Variants in HUWE1 observed in about 807,000 individuals in gnomAD.
HUWE1 encodes the protein E3 ubiquitin-protein ligase HUWE1.
HUWE1 carries 18 observed loss-of-function variants against 299.4 expected under a neutral mutation model. The ratio of observed to expected loss-of-function variants is 0.06; its 90% CI spans 0.04 to 0.09. The LOEUF (loss-of-function observed/expected upper bound fraction) is 0.09. HUWE1 is among the 10% of genes least tolerant of loss of function. HUWE1 has a pLI of 1.00. For synonymous variants in HUWE1, 1,317 were observed against 1,286.1 expected (o/e 1.02, Z -0.51); for missense variants, 1,832 against 3,462.3 (o/e 0.53, Z 11.82).
intron 7 of HUWE1, among the ~76,000 whole-genome samples, chrX:53,640,443 A>G (rs2067512099): frequency 8.9e-6 from 1 of 112,371 alleles, no homozygotes; most frequent in Non-Finnish European, 1.9e-5. Flanking sequence ...AGAAACATGA[A>G]ATTTTTAAAT....
intron 3 of HUWE1, among the ~76,000 whole-genome samples, chrX:53,659,073 G>T (rs2068879600): frequency 8.9e-6 from 1 of 112,901 alleles, no homozygotes; most frequent in African/African-American, 3.2e-5. Context: ...AGGATGTGGA[G>T]CAAGTGGAAC....
intron 27 of HUWE1, 113 bp downstream of exon 27, chrX:53,603,255 G>T: frequency 1.4e-6 from 1 of 718,764 alleles, no homozygotes; most frequent in Non-Finnish European, 2.1e-6. Context: ...AAGAGGGAAG[G>T]ACAAGGAGGC....
chrX:53,579,541 T>C (rs972107261), intron 43 of HUWE1, among the ~76,000 whole-genome samples: 2 of 109,597 alleles, frequency 1.8e-5, no homozygotes, highest in Admixed American at 1.9e-4. Flanking sequence ...AGAAATCGGA[T>C]GGTTGCCGGG....
intron 4 of HUWE1, among the ~76,000 whole-genome samples, chrX:53,653,497 G>T (rs1385289825): frequency 9.0e-6 from 1 of 111,310 alleles, no homozygotes; most frequent in Non-Finnish European, 1.9e-5. Flanking sequence ...CTCAACCTTA[G>T]AAAGCAGTTC....
intron 37 of HUWE1, among the ~76,000 whole-genome samples, 179 bp from the exon 38 acceptor site, chrX:53,587,088 G>A (rs917337071): frequency 8.9e-6 from 1 of 112,043 alleles, no homozygotes; most frequent in Non-Finnish European, 1.9e-5. Flanking sequence ...AAATTTTCTA[G>A]GCTTTGGTTT....
At position 53,542,845 on chromosome X, in the gene HUWE1, T is replaced by TTGTGTGTGTG. The variant is rs57187405; in HGVS notation, c.11380-316_11380-307dup. 3.0e-3 allele frequency: 487 copies of TTGTGTGTGTG among 164,016 alleles called. 2 individuals are homozygous for TTGTGTGTGTG. Among genetic ancestry groups the TTGTGTGTGTG allele is most frequent in the Non-Finnish European group, 3.9e-3 (348 of 89,017 alleles). 13.5% of individuals were successfully genotyped at this position (164,016 alleles called of 1,213,427 possible). A position where few individuals can be genotyped will look rare whatever the true frequency, so the allele number is the denominator to read the frequency against. Reference sequence around the variant, plus strand: ...TATATAGACTTCAAGTCTTCTTCTGTTGTGTGTGTGTGTGTGTGTGTGTGT... The same window carrying TTGTGTGTGTG: ...TATATAGACTTCAAGTCTTCTTCTGTTGTGTGTGTGTGTGTGTGTGTGTGTGTGTGTGTGT... On this transcript the variant is annotated intron_variant, in intron 73 of 83. Coordinates refer to ENST00000262854, the MANE Select transcript of HUWE1 (RefSeq NM_031407.7).
intron 3 of HUWE1, among the ~76,000 whole-genome samples, chrX:53,659,771 G>A (rs781957498): frequency 1.3e-4 from 15 of 111,742 alleles, no homozygotes; most frequent in Non-Finnish European, 2.4e-4. Context: ...AACAAGGGAG[G>A]CTATGCCTGT....
rs1556949127 is a variant in HUWE1, at chrX:53,569,786, T to C, written c.6354A>G (p.Pro2118=). ...CCTTGTCTTCTGCATTCTGGGTATGTGGGAGCAGGTGGTCCAGAACAAAAG... is the reference window on the plus strand; with the variant it reads ...CCTTGTCTTCTGCATTCTGGGTATGCGGGAGCAGGTGGTCCAGAACAAAAG... ...VLAFVLDHLL[P]HTQNAEDKDT... is the part of the protein sequence containing the mutation. Residue 2118 remains proline (P), a synonymous_variant, in exon 48 of 84, where the codon CCA becomes CCG. Coordinates refer to ENST00000262854, the MANE Select transcript of HUWE1 (RefSeq NM_031407.7). The C allele has an allele frequency of 3.3e-6, 4 of 1,211,971 alleles. No individual in the cohort carries two copies. In the South Asian group the frequency reaches 7.0e-5, roughly 21 times the overall value.
chrX:53,617,385 G>A lies in HUWE1; in HGVS notation c.1734C>T (p.Asp578=). The A allele has an allele frequency of 8.3e-7, 1 of 1,200,233 alleles. No individual in the cohort carries two copies. Among genetic ancestry groups the A allele is most frequent in the East Asian group, 3.0e-5 (1 of 33,705 alleles). Residue 578 remains aspartate (D), a synonymous_variant, in exon 20 of 84, where the codon GAC becomes GAT. Coordinates refer to ENST00000262854, the MANE Select transcript of HUWE1 (RefSeq NM_031407.7). ...QEPSLLSSLQ[D]NGLTDVMLHA... is the part of the protein sequence containing the mutation. ...GCAGCATGACATCTGTCAATCCATT[G>A]TCCTGGAGTGAGGAGAGCAGTGATG...
chrX:53,584,995 G>C lies in HUWE1; in HGVS notation c.5001+17C>G, dbSNP rs372467408. The C allele has an allele frequency of 8.3e-7, 1 of 1,209,053 alleles. No homozygotes were observed. Among genetic ancestry groups the C allele is most frequent in the African/African-American group, 1.7e-5 (1 of 57,296 alleles). On this transcript the variant is annotated intron_variant, in intron 40 of 83. Coordinates refer to ENST00000262854, the MANE Select transcript of HUWE1 (RefSeq NM_031407.7). Reference sequence around the variant, plus strand: ...TGTGGTCCACGGGTTAGACAAGCTTGGTGAGTGAGCATGTACCTGCACCAT... The same window carrying C: ...TGTGGTCCACGGGTTAGACAAGCTTCGTGAGTGAGCATGTACCTGCACCAT...
At chrX:53,616,246 G>A (rs1165512021) in intron 21 of HUWE1, among the ~76,000 whole-genome samples, 4 of 108,543 alleles carry the variant, frequency 3.7e-5, no homozygotes, top group Non-Finnish European at 7.6e-5. Flanking sequence ...TTTTGGTTGT[G>A]ATTTTCTAAT....
intron 61 of HUWE1, 108 bp from the exon 62 acceptor site, chrX:53,553,001 T>C (rs995005164): frequency 3.6e-5 from 30 of 824,346 alleles, no homozygotes; most frequent in Middle Eastern, 3.4e-4. Flanking sequence ...CAGCTCAGAC[T>C]TCTCACTTCT....
rs376523271 is a variant in HUWE1, at chrX:53,585,030, T to C, written c.4983A>G (p.Gln1661=). 49 of 1,210,341 alleles carry C rather than the reference T, an allele frequency of 4.0e-5. No individual in the cohort carries two copies. Among genetic ancestry groups the C allele is most frequent in the Non-Finnish European group, 4.4e-5 (39 of 895,355 alleles). ...FTAGRRRYTV[Q]FTTMVQVNEE... Reference sequence around the variant, plus strand: ...CATGTACCTGCACCATTGTAGTGAATTGGACCGTGTATCTTCTTCGGCCTG... The same window carrying C: ...CATGTACCTGCACCATTGTAGTGAACTGGACCGTGTATCTTCTTCGGCCTG... The change falls in exon 40 of 84, where the codon CAA becomes CAG. Residue 1661 remains glutamine (Q), a synonymous_variant. Coordinates refer to ENST00000262854, the MANE Select transcript of HUWE1 (RefSeq NM_031407.7).
At chrX:53,568,094 TTTAGAA>T (rs2062655748) in intron 49 of HUWE1, among the ~76,000 whole-genome samples, 1 of 112,081 alleles carries the variant, frequency 8.9e-6, no homozygotes, top group Admixed American at 9.4e-5. Flanking sequence ...AAAAAATTGT[TTTAGAA>T]TAAGAGAGAT....
At chrX:53,578,366 G>GCC in intron 43 of HUWE1, among the ~76,000 whole-genome samples, 1 of 100,646 alleles carries the variant, frequency 9.9e-6, no homozygotes, top group Middle Eastern at 5.3e-3. Context: ...GGGGGGGTCA[G>GCC]CCCCCCGCCC....
At chrX:53,636,835 T>C (rs1003051035) in intron 7 of HUWE1, among the ~76,000 whole-genome samples, 3 of 112,318 alleles carry the variant, frequency 2.7e-5, no homozygotes, top group African/African-American at 6.5e-5. Flanking sequence ...AGAAGAAAAC[T>C]GTGAAGTAAA....
intron 7 of HUWE1, among the ~76,000 whole-genome samples, chrX:53,636,104 T>C: frequency 8.9e-6 from 1 of 112,289 alleles, no homozygotes; most frequent in Non-Finnish European, 1.9e-5. Flanking sequence ...CTTTGCTACA[T>C]TAATAATGGA....
chrX:53,654,659 T>C (rs1407259992), intron 3 of HUWE1, among the ~76,000 whole-genome samples: 2 of 112,177 alleles, frequency 1.8e-5, no homozygotes, highest in East Asian at 5.5e-4. Flanking sequence ...TACGACTGGT[T>C]TAAAATGGAA....
chrX:53,648,267 T>C lies in HUWE1; in HGVS notation c.89A>G (p.Asn30Ser). ...CAGTTCCAAGAGAAGTTGCTCATCA[T>C]TACAAACTTTGAGTTTGTCTATTAA... The part of the protein sequence containing the change: ...RALIDKLKVC[N>S]DEQLLLELQQ... Residue 30 changes from asparagine (N) to serine (S), a missense_variant, in exon 5 of 84, where the codon AAT (asparagine) becomes AGT (serine). Physicochemically the swap from Asn to Ser is conservative, Grantham distance 46 (BLOSUM62 1). Coordinates refer to ENST00000262854, the MANE Select transcript of HUWE1 (RefSeq NM_031407.7). 1 of 1,202,537 alleles carries C rather than the reference T, an allele frequency of 8.3e-7. No homozygotes were observed. Among genetic ancestry groups the C allele is most frequent in the Non-Finnish European group, 1.1e-6 (1 of 887,259 alleles).
Sources: gnomAD v4.1 joint callset for allele counts (sites outside exome capture counted in the v4.1 genomes callset) on GRCh38, gnomAD v4.1.1 for gene constraint, MANE v1.5 for transcripts, NCBI Gene and HGNC (gene_info 2026-07-23, HGNC 2026-07-21) for gene names.